NBPF26: variants seen among roughly 807,000 people sequenced by gnomAD.
The protein encoded by NBPF26 is NBPF family member NBPF26.
Under a neutral mutation model 119.6 loss-of-function variants are expected in NBPF26, and 79 were observed. That is an observed-to-expected ratio of 0.66 (90% confidence interval 0.55 to 0.80). NBPF26 has a LOEUF of 0.80. Among genes scored for constraint, NBPF26 ranks in the 30% least tolerant of loss-of-function variants. NBPF26 has a pLI of 0.00. For missense variants in NBPF26, 800 were observed against 1,198.2 expected (o/e 0.67, Z 4.91); for synonymous variants, 299 against 457.7 (o/e 0.65, Z 4.43).
In NBPF26 at chr1:120,764,198, G is replaced by C. The variant is rs1376206447; in HGVS notation, c.155+489G>C. Among the ~76,000 whole-genome samples, 125 of 115,366 alleles carry C rather than the reference G, an allele frequency of 1.1e-3. 29 individuals carry two copies. The highest frequency in any genetic ancestry group is 5.7e-3 in the African/African-American group (116 of 20,400). The allele number at this position is 115,366 out of a possible 152,430, so 75.7% of individuals were successfully genotyped here. A position where few individuals can be genotyped will look rare whatever the true frequency, so the allele number is the denominator to read the frequency against. ...GGAGGCGGAGGTTGCAGTGAGCTGAGACCACATCATTGCACTCTAGCCTGG... is the reference window on the plus strand; with the variant it reads ...GGAGGCGGAGGTTGCAGTGAGCTGACACCACATCATTGCACTCTAGCCTGG... On this transcript the variant is annotated intron_variant, in intron 2 of 29. Coordinates refer to ENST00000620612, the Ensembl canonical transcript of NBPF26.
Position 120,763,628 on chromosome 1 carries a change from C to A in NBPF26, c.74C>A (p.Ala25Glu), listed in dbSNP as rs1364895602. ...AATGTGCATTTGTTTTTATTTTTAG[C>A]ATTGCAGTGTCGAGATGGCTATGAA... The change falls in exon 2 of 30, where the codon GCA becomes GAA. Residue 25 changes from alanine to glutamate, a missense_variant and splice_region_variant. Physicochemically the swap from Ala to Glu is moderately radical, Grantham distance 107 (BLOSUM62 -1). Around this residue, in one of 13 missense-constraint regions of NBPF26, gnomAD observed 209 missense variants for 285.2 expected, o/e 0.73. Coordinates refer to ENST00000620612, the Ensembl canonical transcript of NBPF26. 27 of 1,357,156 alleles carry A rather than the reference C, an allele frequency of 2.0e-5. 5 individuals carry two copies. The highest frequency in any genetic ancestry group is 2.7e-5 in the Non-Finnish European group (27 of 1,006,572). 84.1% of individuals were successfully genotyped at this position (1,357,156 alleles called of 1,614,324 possible).
chr1:120,807,060 C>T (rs1651711116), intron 5 of NBPF26, among the ~76,000 whole-genome samples: 1 of 130,210 alleles, frequency 7.7e-6, no homozygotes, highest in African/African-American at 3.5e-5. Context: ...GGCATATTTC[C>T]TTCATGGCCT....
In NBPF26 at chr1:120,820,450, ATATATATAT is replaced by A. The variant is rs1652107395; in HGVS notation, c.2424-1653_2424-1645del. Among the ~76,000 whole-genome samples, 2 of 7,724 alleles carry A rather than the reference ATATATATAT, an allele frequency of 2.6e-4. 1 individual carries two copies. The highest frequency in any genetic ancestry group is 0.016 in the South Asian group (2 of 124). The allele number at this position is 7,724 out of a possible 152,430, so 5.1% of individuals were successfully genotyped here. ...CCCTAAGACTTAAAGTATTAAAAATATATATATATATATATATATATATATATATATATA... is the reference window on the plus strand; with the variant it reads ...CCCTAAGACTTAAAGTATTAAAAATAATATATATATATATATATATATATA... On this transcript the variant is annotated intron_variant, in intron 15 of 29. Transcript: ENST00000620612.
In NBPF26 at chr1:120,823,629, C is replaced by A. The variant is rs1456980873; in HGVS notation, c.2639+269C>A. On this transcript the variant is annotated intron_variant, in intron 17 of 29. Transcript: ENST00000620612. ...TGCAGGGAAACTTGACCACATTTTA[C>A]GCAAAATTATTGAGGACATGCTTTT... Among the ~76,000 whole-genome samples, 32 of 125,362 alleles carry A rather than the reference C, an allele frequency of 2.6e-4. 1 individual carries two copies. In the East Asian group the frequency reaches 5.4e-3, roughly 21 times the overall value. 82.2% of individuals were successfully genotyped at this position (125,362 alleles called of 152,430 possible).
rs1390741693 is a variant in NBPF26 at position 120,785,222 on chromosome 1, T to C, written c.404T>C (p.Val135Ala). ...GATACCTATGAGTGCACCTGTCAAG[T>C]CGGGTTTACAGGTAACTAATGAGAC... Residue 135 changes from valine to alanine, a missense_variant, in exon 3 of 30, where the codon GTC becomes GCC. By Grantham distance (64) the Val-to-Ala change is moderately conservative. Transcript: ENST00000620612. 6.2e-6 allele frequency: 9 copies of C among 1,445,114 alleles called. 1 individual carries two copies. The highest frequency in any genetic ancestry group is 8.3e-6 in the Non-Finnish European group (9 of 1,081,430). The allele number at this position is 1,445,114 out of a possible 1,614,324, so 89.5% of individuals were successfully genotyped here. A position where few individuals can be genotyped will look rare whatever the true frequency, so the allele number is the denominator to read the frequency against.
intron 17 of NBPF26, 129 bp from the exon 18 acceptor site, chr1:120,823,845 T>G: frequency 1.8e-6 from 1 of 562,958 alleles, no homozygotes; most frequent in South Asian, 1.7e-5. Flanking sequence ...GGCAATAATC[T>G]GTTACCTCAT....
rs1553273595 is a variant in NBPF26, at chr1:120,840,616, G to A, written c.*23G>A. ...TAAGCAGCCCTTACTAAGCCGAGAG[G>A]TGTCATTCCTGCAGGCAGGACCTAT... On this transcript the variant is annotated 3_prime_UTR_variant, in exon 30 of 30. Coordinates refer to ENST00000620612, the Ensembl canonical transcript of NBPF26. 0.016 allele frequency: 23,781 copies of A among 1,444,232 alleles called. 6,028 individuals are homozygous for A. In the African/African-American group the frequency reaches 0.18, roughly 11 times the overall value. 89.5% of individuals were successfully genotyped at this position (1,444,232 alleles called of 1,614,324 possible). A position where few individuals can be genotyped will look rare whatever the true frequency, so the allele number is the denominator to read the frequency against.
intron 3 of NBPF26, among the ~76,000 whole-genome samples, chr1:120,788,060 T>G (rs1651442529): frequency 1.4e-5 from 1 of 71,446 alleles, no homozygotes; most frequent in South Asian, 4.0e-4. Flanking sequence ...CAAACCTTCA[T>G]TCATCCAGGC....
At position 120,734,410 on chromosome 1, in the gene NBPF26, T is replaced by C. The variant is rs1417781866; in HGVS notation, c.73+10160T>C. On this transcript the variant is annotated intron_variant, in intron 1 of 29. Coordinates refer to ENST00000620612, the Ensembl canonical transcript of NBPF26. ...TTTGAAGGATTACAATATTTTCTTT[T>C]TTTTTTTTTTAATGGTGTAGTTCAG... 6.5e-5 allele frequency among the ~76,000 whole-genome samples: 6 copies of C among 92,584 alleles called. 1 individual carries two copies. The highest frequency in any genetic ancestry group is 1.2e-4 in the Non-Finnish European group (6 of 48,888). The allele number at this position is 92,584 out of a possible 152,430, so 60.7% of individuals were successfully genotyped here.
intron 23 of NBPF26, among the ~76,000 whole-genome samples, chr1:120,833,365 T>C (rs1339195864): frequency 3.0e-5 from 1 of 33,508 alleles, no homozygotes; most frequent in Non-Finnish European, 4.8e-5. Flanking sequence ...CTAGGTCACT[T>C]TCTCTCTGTC....
rs1651478749 is a variant in NBPF26 at position 120,790,573 on chromosome 1, TTTC to T, written c.416-2585_416-2583del. On this transcript the variant is annotated intron_variant, in intron 3 of 29. Transcript: ENST00000620612. ...CTTTCTTTCTTTCTTTCTTTCTTTC[TTTC>T]TTTCTTTCTTTCTTTCTCTTTCTCT... Among the ~76,000 whole-genome samples the T allele has an allele frequency of 1.9e-5, 2 of 106,728 alleles. 1 individual carries two copies. 70.0% of individuals were successfully genotyped at this position (106,728 alleles called of 152,430 possible). A position where few individuals can be genotyped will look rare whatever the true frequency, so the allele number is the denominator to read the frequency against.
At chr1:120,832,670 A>C (rs1652368727) in intron 22 of NBPF26, among the ~76,000 whole-genome samples, 1 of 121,234 alleles carries the variant, frequency 8.2e-6, no homozygotes, top group African/African-American at 4.6e-5. Flanking sequence ...CTACTAGAAT[A>C]GGGACACTTT....
chr1:120,724,539 G>A lies in NBPF26; in HGVS notation c.73+289G>A, dbSNP rs1352539329. ...AGCAAGTCTCAGAAACTCCTTTTTC[G>A]TAGTGCCAGGGTGCAGGGAGGTGGG... is the stretch of plus-strand genomic sequence containing the variant. On this transcript the variant is annotated intron_variant, in intron 1 of 29. Coordinates refer to ENST00000620612, the Ensembl canonical transcript of NBPF26. Among the ~76,000 whole-genome samples, 6 of 117,292 alleles carry A rather than the reference G, an allele frequency of 5.1e-5. 1 individual carries two copies. The highest frequency in any genetic ancestry group is 2.4e-4 in the Admixed American group (3 of 12,570). 76.9% of individuals were successfully genotyped at this position (117,292 alleles called of 152,430 possible).
chr1:120,812,921 A>T (rs1268018544), intron 10 of NBPF26, among the ~76,000 whole-genome samples: 8,380 of 111,596 alleles, frequency 0.075, 540 homozygotes, highest in Admixed American at 0.13. Flanking sequence ...AGACTGCTAA[A>T]AATAATAATA....
At chr1:120,806,587 G>C (rs1277684125) in intron 5 of NBPF26, among the ~76,000 whole-genome samples, 2 of 124,992 alleles carry the variant, frequency 1.6e-5, no homozygotes, top group South Asian at 4.8e-4. Flanking sequence ...GGCAAGACTC[G>C]TCAAAAAACA....
rs1426366492 is a variant in NBPF26, at chr1:120,810,211, C to T, written c.1353-136C>T. 49 of 1,083,084 alleles carry T rather than the reference C, an allele frequency of 4.5e-5. 8 individuals are homozygous for T. Among genetic ancestry groups the T allele is most frequent in the African/African-American group, 1.8e-4 (6 of 32,752 alleles). 67.1% of individuals were successfully genotyped at this position (1,083,084 alleles called of 1,614,324 possible). On this transcript the variant is annotated intron_variant, in intron 8 of 29. Coordinates refer to ENST00000620612, the Ensembl canonical transcript of NBPF26. ...GCAGAGAGAAGCGGATTGCCTGTTTCCTCTTTAAGGGAACCTCCGTTTTGC... is the reference window on the plus strand; with the variant it reads ...GCAGAGAGAAGCGGATTGCCTGTTTTCTCTTTAAGGGAACCTCCGTTTTGC...
At chr1:120,812,296 G>A (rs1452013565) in intron 10 of NBPF26, among the ~76,000 whole-genome samples, 2,801 of 54,146 alleles carry the variant, frequency 0.052, no homozygotes, top group African/African-American at 0.071. Context: ...TTGCAATCAG[G>A]TGGGGGTGGG....
In NBPF26 at chr1:120,819,326, T is replaced by C. The variant is rs1322018927; in HGVS notation, c.2423+1152T>C. On this transcript the variant is annotated intron_variant, in intron 15 of 29. Transcript: ENST00000620612. ...CCCTGCCTTTTTTTTGTTTTCCATT[T>C]GCTTGGTAGATCTTCCTCCATCCCT... Among the ~76,000 whole-genome samples the C allele has an allele frequency of 3.5e-5, 4 of 115,266 alleles. 2 individuals carry two copies. Among genetic ancestry groups the C allele is most frequent in the Non-Finnish European group, 6.7e-5 (4 of 60,030 alleles). The allele number at this position is 115,266 out of a possible 152,430, so 75.6% of individuals were successfully genotyped here. A position where few individuals can be genotyped will look rare whatever the true frequency, so the allele number is the denominator to read the frequency against.
chr1:120,732,447 TCTC>T (rs1650876177), intron 1 of NBPF26, among the ~76,000 whole-genome samples: 1 of 86,442 alleles, frequency 1.2e-5, no homozygotes, highest in South Asian at 3.3e-4. Context: ...TATATCAACT[TCTC>T]TAAATGGTAA....
Sources: allele counts gnomAD v4.1 joint callset (sites outside exome capture counted in the v4.1 genomes callset), GRCh38; gene constraint gnomAD v4.1.1; regional missense constraint gnomAD v4.1.1; transcripts MANE v1.5; gene names NCBI Gene and HGNC (gene_info 2026-07-23, HGNC 2026-07-21).